EFR3B: variants seen among roughly 807,000 people sequenced by gnomAD.
EFR3B encodes EFR3 homolog B.
In EFR3B, 64 loss-of-function variants were observed where a neutral mutation model predicts 104.7. The observed-to-expected ratio is 0.61, with a 90% confidence interval of 0.50 to 0.75. The LOEUF is 0.75. Ranked by LOEUF, EFR3B falls within the 30% of genes least tolerant of loss-of-function variation. EFR3B has a pLI of 0.00. For missense variants in EFR3B, 750 were observed against 1,078.5 expected, an observed-to-expected ratio of 0.70 and a Z score of 4.27; for synonymous variants, 385 against 417.9, an observed-to-expected ratio of 0.92 and a Z score of 0.96.
chr2:25,093,128 T>C lies in EFR3B; in HGVS notation c.210T>C (p.Tyr70=). 6.4e-7 allele frequency: 1 copy of C among 1,551,804 alleles called. No individual in the cohort carries two copies. Among genetic ancestry groups the C allele is most frequent in the Non-Finnish European group, 8.7e-7 (1 of 1,147,064 alleles). ...RLIRDVGRHR[Y]GYVCIAMEAL... ...TCCGTGACGTGGGTCGCCATCGATA[T>C]GGGTAAGTAGTTTGGAAGAGAGGGA... Residue 70 remains tyrosine, a splice_region_variant and synonymous_variant, in exon 3 of 23, where the codon TAT becomes TAC. Coordinates refer to ENST00000403714, the MANE Select transcript of EFR3B (RefSeq NM_014971.2).
intron 3 of EFR3B, 71 bp downstream of exon 3, chr2:25,093,201 T>A (rs1669181364): frequency 2.0e-6 from 3 of 1,512,218 alleles, no homozygotes; most frequent in Non-Finnish European, 2.7e-6. Context: ...AGGGTCCTTT[T>A]AAGAAAATGA....
Position 25,044,720 on chromosome 2 carries a change from T to C in EFR3B, c.7+2401T>C, listed in dbSNP as rs375626472. ...CACCTAAGAGCTTTAGGTAAAGGTG[T>C]ACCTTGTCCACCCACCTTGGTGACT... is the stretch of plus-strand genomic sequence containing the variant. On this transcript the variant is annotated intron_variant, in intron 1 of 22. Coordinates refer to ENST00000403714, the MANE Select transcript of EFR3B (RefSeq NM_014971.2). Among the ~76,000 whole-genome samples the C allele has an allele frequency of 2.2e-4, 34 of 152,320 alleles. No individual in the cohort carries two copies. In the East Asian group the frequency reaches 6.2e-3, roughly 28 times the overall value.
At chr2:25,113,833 C>T (rs1455958077) in intron 4 of EFR3B, among the ~76,000 whole-genome samples, 2 of 152,228 alleles carry the variant, frequency 1.3e-5, no homozygotes, top group East Asian at 1.9e-4. Flanking sequence ...GCAGGTAGAG[C>T]TTTGGTCATA....
Position 25,114,447 on chromosome 2 carries a change from G to C in EFR3B, c.364-7226G>C, listed in dbSNP as rs1573212516. On this transcript the variant is annotated intron_variant, in intron 4 of 22. Coordinates refer to ENST00000403714, the MANE Select transcript of EFR3B (RefSeq NM_014971.2). This position sits in a 1 kb window ranked among gnomAD's most constrained non-coding sequence, Gnocchi z 4.0. ...GGTGCTTATTTTATTAGATAGCCCT[G>C]TTGCACACACCACTTCTCCACGGGA... Among the ~76,000 whole-genome samples, 1 of 152,354 alleles carries C rather than the reference G, an allele frequency of 6.6e-6. No individual in the cohort carries two copies. The highest frequency in any genetic ancestry group is 1.9e-4 in the East Asian group (1 of 5,190).
In EFR3B at chr2:25,128,415, C is replaced by A; in HGVS notation, c.635+83C>A. ...TGGGAACCACATGGTTTGGGTTGGT[C>A]AGTAAAACTCAGCTACAAGGCCAGG... is the stretch of plus-strand genomic sequence containing the variant. On this transcript the variant is annotated intron_variant, in intron 6 of 22. Coordinates refer to ENST00000403714, the MANE Select transcript of EFR3B (RefSeq NM_014971.2). 4 of 1,503,810 alleles carry A rather than the reference C, an allele frequency of 2.7e-6. No homozygotes were observed. In the South Asian group the frequency reaches 3.8e-5, roughly 14 times the overall value. 93.2% of individuals were successfully genotyped at this position (1,503,810 alleles called of 1,614,324 possible). A position where few individuals can be genotyped will look rare whatever the true frequency, so the allele number is the denominator to read the frequency against.
chr2:25,143,671 A>T lies in EFR3B; in HGVS notation c.1923-64A>T. The stretch of plus-strand genomic sequence containing the variant: ...GCAAAACCCTGTCTTAAAAAAAAAA[A>T]TTGTTCAGAAGTCATTCTAGATACC... On this transcript the variant is annotated intron_variant, in intron 17 of 22. Coordinates refer to ENST00000403714, the MANE Select transcript of EFR3B (RefSeq NM_014971.2). 2.6e-6 allele frequency: 4 copies of T among 1,531,564 alleles called. No individual in the cohort carries two copies. In the East Asian group the frequency reaches 9.9e-5, roughly 38 times the overall value. 94.9% of individuals were successfully genotyped at this position (1,531,564 alleles called of 1,614,324 possible).
rs145419108 is a variant in EFR3B at position 25,069,292 on chromosome 2, G to A, written c.8-22033G>A. On this transcript the variant is annotated intron_variant, in intron 1 of 22. Transcript: ENST00000403714. ...GCCAGGGTCAATTAAAGCGAGATGA[G>A]AAGCCATCGCTTGTCTCTGGTGGCC... 2.5e-3 allele frequency among the ~76,000 whole-genome samples: 378 copies of A among 152,322 alleles called. 3 individuals carry two copies. The highest frequency in any genetic ancestry group is 8.8e-3 in the African/African-American group (366 of 41,578).
At position 25,156,475 on chromosome 2, in the gene EFR3B, T is replaced by G. The variant is rs1476904046; in HGVS notation, c.*2135T>G. ...ACCACGCCTGGCGAATTTTGTGTTT[T>G]TAGTAGACATGAGGTTTCACCGTGT... On this transcript the variant is annotated 3_prime_UTR_variant, in exon 23 of 23. Coordinates refer to ENST00000403714, the MANE Select transcript of EFR3B (RefSeq NM_014971.2). The G allele has an allele frequency of 3.3e-5, 5 of 151,800 alleles. No individual in the cohort carries two copies. Among genetic ancestry groups the G allele is most frequent in the Non-Finnish European group, 5.9e-5 (4 of 67,944 alleles). 9.4% of individuals were successfully genotyped at this position (151,800 alleles called of 1,614,324 possible). A position where few individuals can be genotyped will look rare whatever the true frequency, so the allele number is the denominator to read the frequency against.
rs1381217353 is a variant in EFR3B at position 25,137,497 on chromosome 2, G to C, written c.1717G>C (p.Val573Leu). The change falls in exon 15 of 23, where the codon GTT (valine) becomes CTT (leucine). Residue 573 changes from valine (V) to leucine (L), a missense_variant. By Grantham distance (32) the Val-to-Leu change is conservative (BLOSUM62 1). Transcript: ENST00000403714. The surrounding 1 kb of genome is among the most constrained non-coding windows in gnomAD (Gnocchi z 4.7). The part of the protein sequence containing the change: ...VVDLIRLVLA[V>L]QDVAQVNEEN... ...GGACCTCATCCGTCTGGTGCTGGCT[G>C]TTCAGGTGGGGCCTGGTGTGCGCAG... 6.4e-7 allele frequency: 1 copy of C among 1,551,758 alleles called. No individual in the cohort carries two copies. Among genetic ancestry groups the C allele is most frequent in the South Asian group, 1.2e-5 (1 of 84,064 alleles).
At chr2:25,106,489 A>C (rs1362731955) in intron 4 of EFR3B, among the ~76,000 whole-genome samples, 2 of 130,742 alleles carry the variant, frequency 1.5e-5, no homozygotes, top group East Asian at 2.2e-4. Flanking sequence ...ATGGAGTCTC[A>C]CTCTGTTGCC....
chr2:25,152,813 A>AGTGTGT (rs60834744), intron 21 of EFR3B, among the ~76,000 whole-genome samples: 83 of 141,448 alleles, frequency 5.9e-4, no homozygotes, highest in South Asian at 4.7e-3. Flanking sequence ...TTCATATAGA[A>AGTGTGT]GTGTGTGTGT....
Position 25,130,146 on chromosome 2 carries a change from C to G in EFR3B, c.770+37C>G. 1 of 1,551,338 alleles carries G rather than the reference C, an allele frequency of 6.4e-7. No homozygotes were observed. Among genetic ancestry groups the G allele is most frequent in the Non-Finnish European group, 8.7e-7 (1 of 1,146,638 alleles). ...CACCCACTGCCTTGGCCCCAGCCTT[C>G]AGCCTGGATGTGTTTCAGGTCCCTG... is the stretch of plus-strand genomic sequence containing the variant. On this transcript the variant is annotated intron_variant, in intron 7 of 22. Transcript: ENST00000403714. This position sits in a 1 kb window ranked among gnomAD's most constrained non-coding sequence, Gnocchi z 4.6.
intron 1 of EFR3B, chr2:25,080,240 C>T (rs1019784725): frequency 6.4e-7 from 1 of 1,562,912 alleles, no homozygotes. Flanking sequence ...ACTGTAGCAC[C>T]ACCACCAACA....
At chr2:25,148,275 A>G (rs1421852505) in intron 19 of EFR3B, among the ~76,000 whole-genome samples, 1 of 150,696 alleles carries the variant, frequency 6.6e-6, no homozygotes, top group South Asian at 2.1e-4. Flanking sequence ...AAAAAAAAAA[A>G]CAGAGTCTCC....
At chr2:25,106,845 A>G (rs1461977110) in intron 4 of EFR3B, among the ~76,000 whole-genome samples, 1 of 152,204 alleles carries the variant, frequency 6.6e-6, no homozygotes, top group Admixed American at 6.5e-5. Context: ...TGGCCTCCCA[A>G]AGTGCTGAGA....
chr2:25,151,320 A>G (rs1422710158), intron 20 of EFR3B, among the ~76,000 whole-genome samples: 4 of 151,864 alleles, frequency 2.6e-5, no homozygotes, highest in African/African-American at 9.7e-5. Flanking sequence ...CAATGGCGTG[A>G]TCTTGGCTCA....
At chr2:25,088,392 G>T (rs563941095) in intron 1 of EFR3B, among the ~76,000 whole-genome samples, 1 of 152,080 alleles carries the variant, frequency 6.6e-6, no homozygotes, top group Non-Finnish European at 1.5e-5. Flanking sequence ...GTGGGAAATC[G>T]GATGGAGTCT....
chr2:25,149,860 A>G, intron 20 of EFR3B, 118 bp downstream of exon 20: 1 of 914,996 alleles, frequency 1.1e-6, no homozygotes, highest in East Asian at 2.7e-5. Context: ...CACCTGCGTG[A>G]AGGGAGAGGC....
intron 3 of EFR3B, among the ~76,000 whole-genome samples, chr2:25,102,262 C>CT (rs887689058): frequency 1.1e-4 from 17 of 152,108 alleles, no homozygotes; most frequent in African/African-American, 3.4e-4. Flanking sequence ...GCATGGCCCT[C>CT]TTTTTTGCTT....
Sources: allele counts gnomAD v4.1 joint callset (sites outside exome capture counted in the v4.1 genomes callset), GRCh38; gene constraint gnomAD v4.1.1; non-coding constraint Gnocchi (gnomAD v3.1); transcripts MANE v1.5; gene names NCBI Gene and HGNC (gene_info 2026-07-23, HGNC 2026-07-21).